TF: variants seen among roughly 807,000 people sequenced by gnomAD.
TF encodes serotransferrin.
A neutral mutation model predicts 82.4 loss-of-function variants in TF; 55 were observed. The ratio of observed to expected loss-of-function variants is 0.67; its 90% CI spans 0.54 to 0.84. TF has a LOEUF of 0.84. Ranked by LOEUF, TF falls within the 40% of genes least tolerant of loss-of-function variation. The pLI, the probability that TF is intolerant of heterozygous loss-of-function variation, is 0.00. For missense variants in TF, 737 were observed against 868.4 expected, an observed-to-expected ratio of 0.85 and a Z score of 1.90; for synonymous variants, 332 against 332.6, an observed-to-expected ratio of 1.00 and a Z score of 0.02.
At chr3:133,683,315 C>T in the TF span, among the ~76,000 whole-genome samples, 24 of 152,162 alleles carry the variant, frequency 1.6e-4, no homozygotes, top group Non-Finnish European at 2.8e-4. Context: ...AAATAACCAG[C>T]TAACATCATA....
chr3:133,716,748 G>A, the TF span, among the ~76,000 whole-genome samples: 9 of 152,156 alleles, frequency 5.9e-5, no homozygotes, highest in Admixed American at 2.6e-4. Flanking sequence ...CATATCACTC[G>A]GAGTAAAAGT....
the TF span, among the ~76,000 whole-genome samples, chr3:133,687,197 G>T: frequency 6.6e-6 from 1 of 152,148 alleles, no homozygotes. Context: ...GCCTGTTTTG[G>T]AGTGGGGGGA....
rs1393990898 is a variant in TF, at chr3:133,788,425, TCCCAC to T, written c.*9808_*9812del. The T allele has an allele frequency of 6.6e-6, 1 of 152,232 alleles. No homozygotes were observed. Among genetic ancestry groups the T allele is most frequent in the African/African-American group, 2.4e-5 (1 of 41,462 alleles). The allele number at this position is 152,232 out of a possible 1,614,324, so 9.4% of individuals were successfully genotyped here. ...CTTGAGCCCCTAAGCACAGGCCTTC[TCCCAC>T]CCTGTGGAGCGTACTTTCATTTCAT... On this transcript the variant is annotated 3_prime_UTR_variant, in exon 17 of 17. Transcript: ENST00000402696.
chr3:133,768,721 C>T (rs183818262), intron 13 of TF, among the ~76,000 whole-genome samples: 209 of 151,290 alleles, frequency 1.4e-3, no homozygotes, highest in Middle Eastern at 3.4e-3. Context: ...AAATTCCTAA[C>T]TACAATTGTA....
chr3:133,794,415 G>C lies in TF; in HGVS notation c.*15795G>C, dbSNP rs1199951728. On this transcript the variant is annotated 3_prime_UTR_variant, in exon 17 of 17. Coordinates refer to ENST00000402696, the MANE Select transcript of TF (RefSeq NM_001063.4). The stretch of plus-strand genomic sequence containing the variant: ...GGATTTTATTCAATTGTTATTTTCA[G>C]TGCATGTTTTCTGGTTGTATAAAAG... The C allele has an allele frequency of 2.0e-5, 3 of 152,156 alleles. No individual in the cohort carries two copies. The highest frequency in any genetic ancestry group is 4.4e-5 in the Non-Finnish European group (3 of 68,032). 9.4% of individuals were successfully genotyped at this position (152,156 alleles called of 1,614,324 possible).
rs59954827 is a variant in TF, at chr3:133,786,222, T to TTAAAAAAAAA, written c.*7602_*7603insTAAAAAAAAA. 2.4e-5 allele frequency: 2 copies of TTAAAAAAAAA among 84,350 alleles called. No homozygotes were observed. The highest frequency in any genetic ancestry group is 4.8e-5 in the Non-Finnish European group (2 of 41,296). The allele number at this position is 84,350 out of a possible 1,614,324, so 5.2% of individuals were successfully genotyped here. A position where few individuals can be genotyped will look rare whatever the true frequency, so the allele number is the denominator to read the frequency against. Reference sequence around the variant, plus strand: ...AAGAATTATCAATAAAAAAATAAATTAAAAAAAAAAAAAAAAAACAATACT... The same window carrying TTAAAAAAAAA: ...AAGAATTATCAATAAAAAAATAAATTTAAAAAAAAAAAAAAAAAAAAAAAAAAACAATACT... On this transcript the variant is annotated 3_prime_UTR_variant, in exon 17 of 17. Coordinates refer to ENST00000402696, the MANE Select transcript of TF (RefSeq NM_001063.4).
the TF span, among the ~76,000 whole-genome samples, chr3:133,723,824 G>T: frequency 6.6e-6 from 1 of 150,962 alleles, no homozygotes; most frequent in African/African-American, 2.4e-5. Context: ...CCCCACCACA[G>T]TCCCCAGAGT....
At chr3:133,776,287 A>G (rs1471913730) in intron 15 of TF, among the ~76,000 whole-genome samples, 5 of 152,226 alleles carry the variant, frequency 3.3e-5, no homozygotes, top group African/African-American at 1.2e-4. Context: ...TTGCCCTCGG[A>G]GAGCCTGCCC....
the TF span, among the ~76,000 whole-genome samples, chr3:133,707,223 C>CACACAT: frequency 1.3e-5 from 2 of 149,262 alleles, no homozygotes; most frequent in South Asian, 2.1e-4. Flanking sequence ...CACACACACA[C>CACACAT]GCATGGAAAG....
chr3:133,708,210 A>T, the TF span, among the ~76,000 whole-genome samples: 24 of 152,334 alleles, frequency 1.6e-4, no homozygotes, highest in Admixed American at 1.4e-3. Flanking sequence ...TATAACTTAG[A>T]TTCAGCCAAA....
intron 2 of TF, among the ~76,000 whole-genome samples, chr3:133,751,510 G>A (rs1427866691): frequency 6.6e-6 from 1 of 152,004 alleles, no homozygotes; most frequent in Non-Finnish European, 1.5e-5. Context: ...CTTTTATGAA[G>A]TATCTAGAAT....
Position 133,791,327 on chromosome 3 carries a change from C to G in TF, c.*12707C>G. The G allele has an allele frequency of 6.6e-6, 1 of 152,122 alleles. No individual in the cohort carries two copies. Among genetic ancestry groups the G allele is most frequent in the East Asian group, 1.9e-4 (1 of 5,192 alleles). 9.4% of individuals were successfully genotyped at this position (152,122 alleles called of 1,614,324 possible). A position where few individuals can be genotyped will look rare whatever the true frequency, so the allele number is the denominator to read the frequency against. The stretch of plus-strand genomic sequence containing the variant: ...GCCCATTTTCTCCAAAATTCGTAAA[C>G]TATTTGTGAATATTCTTAATTCATG... On this transcript the variant is annotated 3_prime_UTR_variant, in exon 17 of 17. Transcript: ENST00000402696.
At chr3:133,759,380 T>C (rs776437662) in intron 9 of TF, 51 bp downstream of exon 9, 16 of 1,607,038 alleles carry the variant, frequency 1.0e-5, no homozygotes, top group Non-Finnish European at 1.3e-5. Context: ...TGCTGCCTGC[T>C]GGCCCCCAAG....
At chr3:133,757,079 C>G (rs1190944904) in intron 7 of TF, 70 bp downstream of exon 7, 17 of 1,588,870 alleles carry the variant, frequency 1.1e-5, no homozygotes. Flanking sequence ...TTCCTCCTGG[C>G]CATCTTGTCA....
the TF span, among the ~76,000 whole-genome samples, chr3:133,684,614 T>C: frequency 6.6e-6 from 1 of 152,146 alleles, no homozygotes; most frequent in Non-Finnish European, 1.5e-5. Context: ...AAGAAATGGA[T>C]AAATTCCTGG....
intron 14 of TF, chr3:133,774,881 A>G: frequency 6.1e-6 from 2 of 325,396 alleles, no homozygotes; most frequent in Admixed American, 7.6e-5. Context: ...TTTTTCAGAG[A>G]CAATACAGAA....
At chr3:133,682,139 C>T in the TF span, among the ~76,000 whole-genome samples, 1 of 152,158 alleles carries the variant, frequency 6.6e-6, no homozygotes, top group Admixed American at 6.5e-5. Flanking sequence ...AGCTGAGGGT[C>T]CTGACTGTTA....
At position 133,768,027 on chromosome 3, in the gene TF, A is replaced by G. The variant is rs1934167630; in HGVS notation, c.1487-2A>G. 2 of 1,614,040 alleles carry G rather than the reference A, an allele frequency of 1.2e-6. No homozygotes were observed. The highest frequency in any genetic ancestry group is 8.5e-7 in the Non-Finnish European group (1 of 1,180,002). ...CTGACTTCCTCTTGTCCTTCTGCAC[A>G]GATGAATTTTTCAGTGAAGGTTGTG... is the stretch of plus-strand genomic sequence containing the variant. On this transcript the variant is annotated splice_acceptor_variant, in intron 12 of 16. Coordinates refer to ENST00000402696, the MANE Select transcript of TF (RefSeq NM_001063.4). LOFTEE classifies it high-confidence loss of function.
chr3:133,762,698 T>A (rs932551891), intron 9 of TF, among the ~76,000 whole-genome samples: 1 of 152,164 alleles, frequency 6.6e-6, no homozygotes, highest in African/African-American at 2.4e-5. Flanking sequence ...TCTGAAAAAG[T>A]TTGAAAATCT....
Sources: allele counts gnomAD v4.1 joint callset (sites outside exome capture counted in the v4.1 genomes callset), GRCh38; gene constraint gnomAD v4.1.1; transcripts MANE v1.5; gene names NCBI Gene and HGNC (gene_info 2026-07-23, HGNC 2026-07-21).